The following GRIA1 variants were observed in gnomAD, a reference collection of about 807,000 sequenced individuals.
GRIA1 encodes glutamate ionotropic receptor AMPA type subunit 1, also known as glutamate receptor 1.
In GRIA1, 31 loss-of-function variants were observed where a neutral mutation model predicts 99.2. The ratio of observed to expected loss-of-function variants is 0.31; its 90% CI spans 0.23 to 0.42. The LOEUF (loss-of-function observed/expected upper bound fraction) is 0.42, where lower values mean the gene tolerates loss of function less well. GRIA1 is among the 10% of genes least tolerant of loss of function. The probability of loss-of-function intolerance (pLI) is 1.00; values close to 1 mark genes in which losing one functional copy is unlikely to be tolerated. For missense variants in GRIA1, 782 were observed against 1,157.5 expected, an observed-to-expected ratio of 0.68 and a Z score of 4.71; for synonymous variants, 438 against 432.4, an observed-to-expected ratio of 1.01 and a Z score of -0.16.
chr5:153,709,303 T>C (rs1427045790), intron 11 of GRIA1, among the ~76,000 whole-genome samples: 2 of 152,212 alleles, frequency 1.3e-5, no homozygotes, highest in African/African-American at 4.8e-5. Flanking sequence ...AATTAACTGA[T>C]CTTGCTGCTT....
At chr5:153,687,967 G>T (rs1757452716) in intron 8 of GRIA1, among the ~76,000 whole-genome samples, 1 of 152,240 alleles carries the variant, frequency 6.6e-6, no homozygotes, top group African/African-American at 2.4e-5. Flanking sequence ...GCAAGGTCAT[G>T]TTTCTTCCTG....
At chr5:153,686,635 A>G (rs548553946) in intron 8 of GRIA1, among the ~76,000 whole-genome samples, 2 of 152,372 alleles carry the variant, frequency 1.3e-5, no homozygotes, top group East Asian at 1.9e-4. Context: ...ATTGATGTGT[A>G]TAAAATGCCA....
chr5:153,514,518 C>G (rs1756422831), intron 2 of GRIA1, among the ~76,000 whole-genome samples: 1 of 152,178 alleles, frequency 6.6e-6, no homozygotes, highest in African/African-American at 2.4e-5. Flanking sequence ...AGGTTTATTT[C>G]TCAGCTGTCT....
chr5:153,789,623 T>C (rs1765175870), intron 13 of GRIA1, among the ~76,000 whole-genome samples: 1 of 152,178 alleles, frequency 6.6e-6, no homozygotes, highest in Non-Finnish European at 1.5e-5. Flanking sequence ...CCAGGTAAAA[T>C]CTAGAGCTTA....
At chr5:153,628,067 G>A (rs1767806851) in intron 2 of GRIA1, among the ~76,000 whole-genome samples, 1 of 152,228 alleles carries the variant, frequency 6.6e-6, no homozygotes, top group South Asian at 2.1e-4. Flanking sequence ...AGTGTGAAGG[G>A]AGGATCAGAC....
At chr5:153,556,822 C>T (rs184462216) in intron 2 of GRIA1, among the ~76,000 whole-genome samples, 24 of 152,314 alleles carry the variant, frequency 1.6e-4, no homozygotes, top group African/African-American at 5.5e-4. Flanking sequence ...AATTGGAATA[C>T]ATTCAGAGAA....
chr5:153,680,073 T>C (rs1294106458), intron 7 of GRIA1, among the ~76,000 whole-genome samples: 1 of 152,168 alleles, frequency 6.6e-6, no homozygotes, highest in Non-Finnish European at 1.5e-5. Flanking sequence ...AGCTAGCTAG[T>C]GGTAAAGTTG....
At chr5:153,658,888 C>T (rs773275653) in intron 5 of GRIA1, among the ~76,000 whole-genome samples, 12 of 152,012 alleles carry the variant, frequency 7.9e-5, no homozygotes, top group Non-Finnish European at 1.3e-4. Flanking sequence ...TTCAAATAGC[C>T]ACCTTTGAAG....
At chr5:153,598,749 C>CT (rs1438194923) in intron 2 of GRIA1, among the ~76,000 whole-genome samples, 1 of 152,188 alleles carries the variant, frequency 6.6e-6, no homozygotes, top group African/African-American at 2.4e-5. Flanking sequence ...AATCTACAAT[C>CT]TATCTGTCCA....
intron 2 of GRIA1, among the ~76,000 whole-genome samples, chr5:153,634,655 G>A (rs1002005877): frequency 4.6e-5 from 7 of 152,166 alleles, no homozygotes; most frequent in Non-Finnish European, 1.0e-4. Context: ...ACACCCCTGC[G>A]GAAAAGGAAA....
chr5:153,586,438 C>T lies in GRIA1; in HGVS notation c.221-60490C>T, dbSNP rs1465726753. On this transcript the variant is annotated intron_variant, in intron 2 of 15. Transcript: ENST00000285900. ...ATTAAATAACTTGTCCAAGCTCACA[C>T]AGTCAGTGCATGGGATTGCCAGGAT... Among the ~76,000 whole-genome samples, 14 of 152,324 alleles carry T rather than the reference C, an allele frequency of 9.2e-5. No individual in the cohort carries two copies. The Middle Eastern group carries it at 0.01, about 111-fold the overall frequency.
intron 2 of GRIA1, among the ~76,000 whole-genome samples, chr5:153,624,338 C>T (rs1767371167): frequency 6.6e-6 from 1 of 152,186 alleles, no homozygotes; most frequent in South Asian, 2.1e-4. Context: ...TTCAGAGGCT[C>T]ACCTTGGGTT....
chr5:153,644,567 A>G (rs1156486934), intron 2 of GRIA1, among the ~76,000 whole-genome samples: 1 of 152,188 alleles, frequency 6.6e-6, no homozygotes, highest in African/African-American at 2.4e-5. Flanking sequence ...AGCATGTCCT[A>G]ATTTTCAGGG....
Position 153,655,172 on chromosome 5 carries a change from G to T in GRIA1, c.646-647G>T, listed in dbSNP as rs146363368. On this transcript the variant is annotated intron_variant, in intron 4 of 15. Coordinates refer to ENST00000285900, the MANE Select transcript of GRIA1 (RefSeq NM_000827.4). ...TTGACTTCCTATCTGTACAGTGAGAGTTTGGACCAGATGATCCTAACTTTC... is the reference window on the plus strand; with the variant it reads ...TTGACTTCCTATCTGTACAGTGAGATTTTGGACCAGATGATCCTAACTTTC... 5.3e-5 allele frequency among the ~76,000 whole-genome samples: 8 copies of T among 152,296 alleles called. No homozygotes were observed. In the East Asian group the frequency reaches 1.5e-3, roughly 29 times the overall value.
At chr5:153,722,592 T>A (rs896166099) in intron 11 of GRIA1, among the ~76,000 whole-genome samples, 2 of 152,244 alleles carry the variant, frequency 1.3e-5, no homozygotes, top group African/African-American at 4.8e-5. Flanking sequence ...TGTATACCAC[T>A]TTCACATAAA....
chr5:153,583,484 C>A lies in GRIA1; in HGVS notation c.221-63444C>A, dbSNP rs1763220156. The stretch of plus-strand genomic sequence containing the variant: ...CTTGACTTGAAACTGTCAAAGAACT[C>A]CTGCACTTTAATTTCCTCCTCTGTC... On this transcript the variant is annotated intron_variant, in intron 2 of 15. Transcript: ENST00000285900. Among the ~76,000 whole-genome samples, 4 of 152,218 alleles carry A rather than the reference C, an allele frequency of 2.6e-5. No homozygotes were observed. In the South Asian group the frequency reaches 8.3e-4, roughly 32 times the overall value.
At chr5:153,524,284 G>A (rs1027991251) in intron 2 of GRIA1, among the ~76,000 whole-genome samples, 1 of 152,126 alleles carries the variant, frequency 6.6e-6, no homozygotes, top group African/African-American at 2.4e-5. Context: ...CCAAGGTCAC[G>A]CCACTGCACT....
intron 2 of GRIA1, among the ~76,000 whole-genome samples, chr5:153,600,722 A>T (rs538578004): frequency 2.6e-5 from 4 of 152,204 alleles, no homozygotes; most frequent in Non-Finnish European, 5.9e-5. Flanking sequence ...CACGTCTACC[A>T]CCATGGAACC....
intron 11 of GRIA1, among the ~76,000 whole-genome samples, chr5:153,748,270 C>T (rs1387534196): frequency 6.6e-6 from 1 of 151,856 alleles, no homozygotes; most frequent in Non-Finnish European, 1.5e-5. Context: ...TGAATTGAAA[C>T]CTGAAGGGTA....
Sources: gnomAD v4.1 joint callset for allele counts (sites outside exome capture counted in the v4.1 genomes callset) on GRCh38, gnomAD v4.1.1 for gene constraint, MANE v1.5 for transcripts, NCBI Gene and HGNC (gene_info 2026-07-23, HGNC 2026-07-21) for gene names.